NEURL1B: variants seen among roughly 807,000 people sequenced by gnomAD.
NEURL1B encodes the protein E3 ubiquitin-protein ligase NEURL1B.
NEURL1B carries 13 observed loss-of-function variants against 37.4 expected under a neutral mutation model. The observed-to-expected ratio is 0.35, with a 90% confidence interval of 0.23 to 0.55. NEURL1B has a LOEUF of 0.55. NEURL1B is among the 20% of genes least tolerant of loss of function. The probability of loss-of-function intolerance (pLI) is 0.89; values close to 1 mark genes in which losing one functional copy is unlikely to be tolerated. For synonymous variants in NEURL1B, 432 were observed against 426.6 expected (o/e 1.01, Z -0.16); for missense variants, 790 against 879.2 (o/e 0.90, Z 1.28).
chr5:172,658,176 C>T (rs191911105), intron 1 of NEURL1B, among the ~76,000 whole-genome samples: 316 of 152,182 alleles, frequency 2.1e-3, no homozygotes, highest in Middle Eastern at 0.014. Context: ...AGTGGTCCCC[C>T]GGGCCCAGCT....
Position 172,683,397 on chromosome 5 carries a change from G to A in NEURL1B, c.578-22G>A. ...TGACGCGCGGCCTCTCCCCCTCCATGTCCCTCCCTTTGTCCGCACAGAGAG... is the reference window on the plus strand; with the variant it reads ...TGACGCGCGGCCTCTCCCCCTCCATATCCCTCCCTTTGTCCGCACAGAGAG... On this transcript the variant is annotated intron_variant, in intron 2 of 4. Coordinates refer to ENST00000369800, the MANE Select transcript of NEURL1B (RefSeq NM_001142651.3). The surrounding 1 kb of genome is among the most constrained non-coding windows in gnomAD (Gnocchi z 5.6). 7.6e-7 allele frequency: 1 copy of A among 1,310,794 alleles called. No individual in the cohort carries two copies. The highest frequency in any genetic ancestry group is 9.8e-7 in the Non-Finnish European group (1 of 1,023,836). 81.2% of individuals were successfully genotyped at this position (1,310,794 alleles called of 1,614,324 possible).
At position 172,691,377 on chromosome 5, in the gene NEURL1B, C is replaced by T. The variant is rs1758655629; in HGVS notation, c.*4452C>T. On this transcript the variant is annotated 3_prime_UTR_variant, in exon 5 of 5. Transcript: ENST00000369800. The stretch of plus-strand genomic sequence containing the variant: ...AGTCTAATCCTTGGGGATCTGTAAT[C>T]AAGGTTTTAAAACCTGGGAAGTGGG... 6.6e-6 allele frequency: 1 copy of T among 152,186 alleles called. No homozygotes were observed. The highest frequency in any genetic ancestry group is 2.4e-5 in the African/African-American group (1 of 41,434). The allele number at this position is 152,186 out of a possible 1,614,324, so 9.4% of individuals were successfully genotyped here.
Position 172,669,805 on chromosome 5 carries a change from C to G in NEURL1B, c.52C>G (p.Leu18Val), listed in dbSNP as rs527255343. The part of the protein sequence containing the change: ...TLPDPSPPAR[L>V]LATRPCCGPG... ...CGCAGACCCGAGCCCACCGGCGCGC[C>G]TCCTGGCCACCCGGCCGTGCTGCGG... Residue 18 changes from leucine to valine, a missense_variant, in exon 2 of 5, where the codon CTC becomes GTC. Around this residue, in one of 3 missense-constraint regions of NEURL1B, gnomAD observed 215 missense variants for 309.2 expected, o/e 0.70. Coordinates refer to ENST00000369800, the MANE Select transcript of NEURL1B (RefSeq NM_001142651.3). The G allele has an allele frequency of 3.9e-6, 5 of 1,287,560 alleles. No homozygotes were observed. In the African/African-American group the frequency reaches 6.3e-5, roughly 16 times the overall value. 79.8% of individuals were successfully genotyped at this position (1,287,560 alleles called of 1,614,324 possible). A position where few individuals can be genotyped will look rare whatever the true frequency, so the allele number is the denominator to read the frequency against.
Position 172,686,313 on chromosome 5 carries a change from C to G in NEURL1B, c.1423+17C>G, listed in dbSNP as rs1454416475. 6 of 1,551,278 alleles carry G rather than the reference C, an allele frequency of 3.9e-6. No individual in the cohort carries two copies. In the South Asian group the frequency reaches 7.1e-5, roughly 18 times the overall value. On this transcript the variant is annotated intron_variant, in intron 4 of 4. Transcript: ENST00000369800. The surrounding 1 kb of genome is among the most constrained non-coding windows in gnomAD (Gnocchi z 7.9). ...CATCCCTGGGTAAGGAAATGCAAAC[C>G]CTGGCAGGGGCAGGGGCTGGCGGCT...
In NEURL1B at chr5:172,683,016, G is replaced by A. The variant is rs1758390752; in HGVS notation, c.578-403G>A. Reference sequence around the variant, plus strand: ...GTTTGCTCTTTTTATTGGAGCTTATGTTCTAGTTGGGGAGACGGACAATAA... The same window carrying A: ...GTTTGCTCTTTTTATTGGAGCTTATATTCTAGTTGGGGAGACGGACAATAA... On this transcript the variant is annotated intron_variant, in intron 2 of 4. Transcript: ENST00000369800. The surrounding 1 kb of genome is among the most constrained non-coding windows in gnomAD (Gnocchi z 5.6). Among the ~76,000 whole-genome samples the A allele has an allele frequency of 6.6e-6, 1 of 152,206 alleles. No individual in the cohort carries two copies. Among genetic ancestry groups the A allele is most frequent in the Non-Finnish European group, 1.5e-5 (1 of 68,026 alleles).
chr5:172,669,647 C>T (rs1483661364), intron 1 of NEURL1B, 138 bp from the exon 2 acceptor site: 11 of 663,152 alleles, frequency 1.7e-5, no homozygotes, highest in Non-Finnish European at 2.1e-5. Context: ...TTGGTCAAGC[C>T]TGGAACCTTC....
intron 1 of NEURL1B, among the ~76,000 whole-genome samples, chr5:172,668,427 C>T (rs553564068): frequency 4.6e-5 from 7 of 152,320 alleles, no homozygotes; most frequent in Admixed American, 2.6e-4. Context: ...TTCCTCCCCC[C>T]GTGACTGGGC....
rs1581442722 is a variant in NEURL1B, at chr5:172,687,019, C to T, written c.*94C>T. The T allele has an allele frequency of 1.4e-6, 2 of 1,384,198 alleles. No individual in the cohort carries two copies. The highest frequency in any genetic ancestry group is 2.5e-5 in the East Asian group (1 of 39,604). 85.7% of individuals were successfully genotyped at this position (1,384,198 alleles called of 1,614,324 possible). A position where few individuals can be genotyped will look rare whatever the true frequency, so the allele number is the denominator to read the frequency against. On this transcript the variant is annotated 3_prime_UTR_variant, in exon 5 of 5. Coordinates refer to ENST00000369800, the MANE Select transcript of NEURL1B (RefSeq NM_001142651.3). ...ACATGGCTGCCAGGGAGTCCACGGG[C>T]AGCGGCCATCTCTCCAGTGGTGGGC...
Position 172,651,077 on chromosome 5 carries a change from T to G in NEURL1B, c.31+9640T>G, listed in dbSNP as rs185468192. 4.8e-3 allele frequency among the ~76,000 whole-genome samples: 728 copies of G among 152,308 alleles called. 8 individuals carry two copies. Among genetic ancestry groups the G allele is most frequent in the African/African-American group, 0.016 (662 of 41,560 alleles). On this transcript the variant is annotated intron_variant, in intron 1 of 4. Coordinates refer to ENST00000369800, the MANE Select transcript of NEURL1B (RefSeq NM_001142651.3). ...GAAAAAGGTTGCTTTACGAGGAAGT[T>G]TAAAAGTAGAAGGCAAAGCATTGAA...
rs577983269 is a variant in NEURL1B at position 172,670,443 on chromosome 5, G to A, written c.577+113G>A. 48 of 843,996 alleles carry A rather than the reference G, an allele frequency of 5.7e-5. No homozygotes were observed. In the African/African-American group the frequency reaches 7.9e-4, roughly 14 times the overall value. 52.3% of individuals were successfully genotyped at this position (843,996 alleles called of 1,614,324 possible). A position where few individuals can be genotyped will look rare whatever the true frequency, so the allele number is the denominator to read the frequency against. ...ATGGAGAGCTCCTTTTGCCAGGCGTGGCACTAAGCGCTTTACGCCTTTTAA... is the reference window on the plus strand; with the variant it reads ...ATGGAGAGCTCCTTTTGCCAGGCGTAGCACTAAGCGCTTTACGCCTTTTAA... On this transcript the variant is annotated intron_variant, in intron 2 of 4. Coordinates refer to ENST00000369800, the MANE Select transcript of NEURL1B (RefSeq NM_001142651.3).
intron 2 of NEURL1B, among the ~76,000 whole-genome samples, chr5:172,670,894 C>T (rs4867683): frequency 0.77 from 117,076 of 152,114 alleles, 45,985 homozygotes; most frequent in African/African-American, 0.94. Context: ...TGGCGAACCC[C>T]GGCCCACATT....
In NEURL1B at chr5:172,683,832, G is replaced by T. The variant is rs1758420344; in HGVS notation, c.991G>T (p.Gly331Trp). The T allele has an allele frequency of 6.8e-6, 9 of 1,327,666 alleles. No individual in the cohort carries two copies. Among genetic ancestry groups the T allele is most frequent in the Non-Finnish European group, 8.7e-6 (9 of 1,035,516 alleles). The allele number at this position is 1,327,666 out of a possible 1,614,324, so 82.2% of individuals were successfully genotyped here. A position where few individuals can be genotyped will look rare whatever the true frequency, so the allele number is the denominator to read the frequency against. Residue 331 changes from glycine (G) to tryptophan (W), a missense_variant, in exon 3 of 5, where the codon GGG (glycine) becomes TGG (tryptophan). Transcript: ENST00000369800. The surrounding 1 kb of genome is among the most constrained non-coding windows in gnomAD (Gnocchi z 5.6). Reference sequence around the variant, plus strand: ...CCTCTTCGTGGAGGTGGGCCGTCCGGGGCTGGCGGCGCCCGGCGCGCTGGC... The same window carrying T: ...CCTCTTCGTGGAGGTGGGCCGTCCGTGGCTGGCGGCGCCCGGCGCGCTGGC... ...ESLFVEVGRP[G>W]LAAPGALAFG...
At chr5:172,674,804 C>T (rs1462425544) in intron 2 of NEURL1B, among the ~76,000 whole-genome samples, 3 of 152,104 alleles carry the variant, frequency 2.0e-5, no homozygotes, top group East Asian at 1.9e-4. Context: ...TTGACTTTTT[C>T]GCTTCATCCC....
At chr5:172,653,661 T>G (rs1226825545) in intron 1 of NEURL1B, among the ~76,000 whole-genome samples, 1 of 152,184 alleles carries the variant, frequency 6.6e-6, no homozygotes, top group Admixed American at 6.5e-5. Context: ...CAAAAAAAAT[T>G]TTAACCTTTT....
intron 1 of NEURL1B, among the ~76,000 whole-genome samples, chr5:172,645,153 C>G (rs531220113): frequency 2.0e-5 from 3 of 152,170 alleles, no homozygotes; most frequent in Non-Finnish European, 4.4e-5. Context: ...CCCACAGTAT[C>G]TATTTGAAAT....
intron 1 of NEURL1B, chr5:172,656,488 G>A: frequency 1.3e-6 from 2 of 1,586,750 alleles, no homozygotes; most frequent in South Asian, 1.1e-5. Context: ...TGAAATAAAG[G>A]GTCACCATCT....
rs1757590259 is a variant in NEURL1B, at chr5:172,647,950, A to C, written c.31+6513A>C. Reference sequence around the variant, plus strand: ...TACCTTCCCTGGGCCCAGGGTCCTCACAGGCCCTTCCCCCATCCCGGACTT... The same window carrying C: ...TACCTTCCCTGGGCCCAGGGTCCTCCCAGGCCCTTCCCCCATCCCGGACTT... On this transcript the variant is annotated intron_variant, in intron 1 of 4. Coordinates refer to ENST00000369800, the MANE Select transcript of NEURL1B (RefSeq NM_001142651.3). The surrounding 1 kb of genome is among the most constrained non-coding windows in gnomAD (Gnocchi z 4.2). Among the ~76,000 whole-genome samples the C allele has an allele frequency of 6.6e-6, 1 of 151,802 alleles. No homozygotes were observed. Among genetic ancestry groups the C allele is most frequent in the African/African-American group, 2.4e-5 (1 of 41,308 alleles).
In NEURL1B at chr5:172,676,889, T is replaced by C. The variant is rs1758241987; in HGVS notation, c.578-6530T>C. 6.6e-6 allele frequency among the ~76,000 whole-genome samples: 1 copy of C among 152,228 alleles called. No individual in the cohort carries two copies. ...TGGTGGTCCTAAAGTCAGAGTTTGT[T>C]CATTATTGTTATAAACAAAGTGTGT... On this transcript the variant is annotated intron_variant, in intron 2 of 4. Transcript: ENST00000369800. The surrounding 1 kb of genome is among the most constrained non-coding windows in gnomAD (Gnocchi z 4.5).
At chr5:172,653,772 AGTTTTAC>A in intron 1 of NEURL1B, among the ~76,000 whole-genome samples, 1 of 152,216 alleles carries the variant, frequency 6.6e-6, no homozygotes, top group Middle Eastern at 3.2e-3. Flanking sequence ...TTTTTTCAAT[AGTTTTAC>A]ATTCAGGAGG....
Sources: gnomAD v4.1 joint callset for allele counts (sites outside exome capture counted in the v4.1 genomes callset) on GRCh38, gnomAD v4.1.1 for gene constraint, gnomAD v4.1.1 regional missense constraint, Gnocchi (gnomAD v3.1) non-coding constraint, MANE v1.5 for transcripts, NCBI Gene and HGNC (gene_info 2026-07-23, HGNC 2026-07-21) for gene names.